SCOC: variants seen among roughly 807,000 people sequenced by gnomAD.
SCOC encodes the protein short coiled-coil protein.
In SCOC, 7 loss-of-function variants were observed where a neutral mutation model predicts 9.9. That is an observed-to-expected ratio of 0.71 (90% CI 0.40 to 1.33). The LOEUF (loss-of-function observed/expected upper bound fraction) is 1.33. SCOC is among the 40% of genes most tolerant of loss of function. SCOC has a pLI of 0.01. For synonymous variants in SCOC, 19 were observed against 28.2 expected, an observed-to-expected ratio of 0.67 and a Z score of 1.03; for missense variants, 66 against 89.7, an observed-to-expected ratio of 0.74 and a Z score of 1.07.
At chr4:140,306,521 T>G (rs1731992669) in intron 1 of SCOC, among the ~76,000 whole-genome samples, 1 of 151,902 alleles carries the variant, frequency 6.6e-6, no homozygotes, top group African/African-American at 2.4e-5. Flanking sequence ...AAACAGGAGA[T>G]GTAGAGGCAA....
upstream of SCOC, among the ~76,000 whole-genome samples, chr4:140,340,783 C>A (rs963837711): frequency 1.5e-4 from 6 of 40,444 alleles, no homozygotes; most frequent in Admixed American, 6.7e-4. Flanking sequence ...TGCTGCCTAA[C>A]TTTTTTTTTT....
rs1317757480 is a variant in SCOC at position 140,384,940 on chromosome 4, T to G, written c.*3836T>G. 6.6e-6 allele frequency: 1 copy of G among 152,188 alleles called. No individual in the cohort carries two copies. The highest frequency in any genetic ancestry group is 1.5e-5 in the Non-Finnish European group (1 of 68,028). The allele number at this position is 152,188 out of a possible 1,614,324, so 9.4% of individuals were successfully genotyped here. On this transcript the variant is annotated 3_prime_UTR_variant, in exon 4 of 4. Coordinates refer to ENST00000608372, the MANE Select transcript of SCOC (RefSeq NM_001153484.2). Reference sequence around the variant, plus strand: ...AAAAGAAACCCCAGAGAGCTCTCTTTCTGCCACATAGAAGACAGCAGTCTG... The same window carrying G: ...AAAAGAAACCCCAGAGAGCTCTCTTGCTGCCACATAGAAGACAGCAGTCTG...
At chr4:140,294,850 C>A (rs1043953077) in intron 1 of SCOC, among the ~76,000 whole-genome samples, 4 of 152,338 alleles carry the variant, frequency 2.6e-5, no homozygotes, top group Middle Eastern at 3.4e-3. Flanking sequence ...AAAGTAGCTA[C>A]TTGTCCATGC....
chr4:140,262,967 C>T (rs528191629), intron 1 of SCOC, among the ~76,000 whole-genome samples: 1 of 152,290 alleles, frequency 6.6e-6, no homozygotes, highest in Middle Eastern at 3.4e-3. Flanking sequence ...CCAGGCCCCC[C>T]CTCCAACCCT....
At chr4:140,305,824 A>G (rs930794153) in intron 1 of SCOC, among the ~76,000 whole-genome samples, 3 of 152,160 alleles carry the variant, frequency 2.0e-5, no homozygotes, top group Non-Finnish European at 4.4e-5. Context: ...ACAAGTCAGC[A>G]TTGTGGAAGG....
rs550359843 is a variant in SCOC at position 140,360,842 on chromosome 4, A to C, written c.70+17134A>C. ...TTCAGATTCAATATTTTAATAAAAA[A>C]TGTTTTTATTAATGGCCATTGACTT... On this transcript the variant is annotated intron_variant, in intron 2 of 4. Transcript: ENST00000338517. The C allele has an allele frequency of 1.2e-4, 18 of 152,344 alleles. No homozygotes were observed. In the East Asian group the frequency reaches 2.7e-3, roughly 23 times the overall value. The allele number at this position is 152,344 out of a possible 1,614,324, so 9.4% of individuals were successfully genotyped here. A position where few individuals can be genotyped will look rare whatever the true frequency, so the allele number is the denominator to read the frequency against.
In SCOC at chr4:140,297,274, G is replaced by T. The variant is rs1024512127; in HGVS notation, c.-19+39864G>T. Among the ~76,000 whole-genome samples the T allele has an allele frequency of 9.7e-4, 147 of 151,702 alleles. 1 individual carries two copies. The East Asian group carries it at 0.02, about 21-fold the overall frequency. On this transcript the variant is annotated intron_variant, in intron 1 of 4. Transcript: ENST00000394205. ...GGAGAGCATTCTGGTGACTGTGGGG[G>T]GGGGGGCACTGTTGTCAGTATCTGC...
At chr4:140,267,327 T>C (rs182318305) in intron 1 of SCOC, among the ~76,000 whole-genome samples, 104 of 152,232 alleles carry the variant, frequency 6.8e-4, no homozygotes, top group Non-Finnish European at 9.7e-4. Flanking sequence ...GTCAGCATAG[T>C]CGTCAGTGGC....
chr4:140,289,904 T>A (rs1250426307), intron 1 of SCOC, among the ~76,000 whole-genome samples: 1 of 152,226 alleles, frequency 6.6e-6, no homozygotes, highest in African/African-American at 2.4e-5. Flanking sequence ...CTGTGAGGAT[T>A]ATAAGTAACA....
At position 140,263,015 on chromosome 4, in the gene SCOC, C is replaced by G. The variant is rs188613624; in HGVS notation, c.-19+5605C>G. 2.4e-4 allele frequency among the ~76,000 whole-genome samples: 37 copies of G among 152,278 alleles called. No individual in the cohort carries two copies. In the East Asian group the frequency reaches 6.7e-3, roughly 28 times the overall value. The stretch of plus-strand genomic sequence containing the variant: ...TCGAGATGAGATTTGGGTGGGGACA[C>G]AGAGTCAAACCATATCAGAGAATAA... On this transcript the variant is annotated intron_variant, in intron 1 of 4. Transcript: ENST00000394205.
chr4:140,350,290 G>A (rs1297030709), intron 2 of SCOC, among the ~76,000 whole-genome samples: 2 of 151,970 alleles, frequency 1.3e-5, no homozygotes, highest in Admixed American at 6.6e-5. Context: ...AATAGACTGC[G>A]AGCTTCTAAA....
chr4:140,366,450 G>A, intron 2 of SCOC: 3 of 1,519,834 alleles, frequency 2.0e-6, no homozygotes, highest in Non-Finnish European at 9.0e-7. Context: ...GCTTTTTTGG[G>A]AGAAGCTTTT....
chr4:140,266,883 G>A (rs1046816850), intron 1 of SCOC, among the ~76,000 whole-genome samples: 1 of 152,100 alleles, frequency 6.6e-6, no homozygotes, highest in African/African-American at 2.4e-5. Flanking sequence ...AATTAGTATT[G>A]AGGAGATCTA....
intron 1 of SCOC, among the ~76,000 whole-genome samples, chr4:140,296,933 A>G (rs1477465378): frequency 1.3e-5 from 2 of 151,922 alleles, no homozygotes; most frequent in Admixed American, 6.6e-5. Context: ...TTATTTACCT[A>G]TTTCTCTCCT....
chr4:140,315,301 A>T (rs559515472), intron 1 of SCOC, among the ~76,000 whole-genome samples: 42 of 152,344 alleles, frequency 2.8e-4, no homozygotes, highest in African/African-American at 9.6e-4. Flanking sequence ...AACAGTATCT[A>T]ACATTTATTG....
At chr4:140,366,373 C>A in intron 2 of SCOC, 1 of 1,260,674 alleles carries the variant, frequency 7.9e-7, no homozygotes, top group Non-Finnish European at 1.1e-6. Flanking sequence ...TTCTTGCCTG[C>A]AGCGGTCATC....
intron 2 of SCOC, among the ~76,000 whole-genome samples, chr4:140,352,404 G>C (rs1279228818): frequency 6.6e-6 from 1 of 152,174 alleles, no homozygotes; most frequent in African/African-American, 2.4e-5. Context: ...AATATGGACA[G>C]TGGCATTAGG....
At chr4:140,373,642 C>T (rs1449274259), upstream of SCOC, 5 of 1,551,578 alleles carry the variant, frequency 3.2e-6, no homozygotes, top group Non-Finnish European at 2.6e-6. Context: ...GCGGAGCTGC[C>T]GGGGTCAGTT....
intron 1 of SCOC, among the ~76,000 whole-genome samples, chr4:140,297,037 C>A (rs989036386): frequency 6.6e-6 from 1 of 152,196 alleles, no homozygotes; most frequent in Non-Finnish European, 1.5e-5. Context: ...GATTTAACTC[C>A]TCAACAGAAA....
Sources: gnomAD v4.1 joint callset for allele counts (sites outside exome capture counted in the v4.1 genomes callset) on GRCh38, gnomAD v4.1.1 for gene constraint, MANE v1.5 for transcripts, NCBI Gene and HGNC (gene_info 2026-07-23, HGNC 2026-07-21) for gene names.